Variants in OTC observed in about 807,000 individuals in gnomAD.
The protein encoded by OTC is ornithine transcarbamylase, mitochondrial.
A neutral mutation model predicts 30.3 loss-of-function variants in OTC; 3 were observed. The observed-to-expected ratio is 0.10, with a 90% CI of 0.05 to 0.26. OTC has a LOEUF of 0.26. Ranked by LOEUF, OTC falls within the 10% of genes least tolerant of loss-of-function variation. The probability of loss-of-function intolerance (pLI) is 1.00; values close to 1 mark genes in which losing one functional copy is unlikely to be tolerated. For synonymous variants in OTC, 111 were observed against 99.7 expected (o/e 1.11, Z -0.67); for missense variants, 194 against 260.3 (o/e 0.75, Z 1.75).
intron 6 of OTC, 119 bp downstream of exon 6, chrX:38,403,859 T>G: frequency 2.7e-6 from 2 of 744,847 alleles, no homozygotes; most frequent in East Asian, 3.2e-5. Flanking sequence ...GCCACAGAAT[T>G]TAGGTTACGT....
intron 4 of OTC, 25 bp from the exon 5 acceptor site, chrX:38,401,250 T>C (rs375307125): frequency 6.1e-6 from 7 of 1,148,221 alleles, no homozygotes; most frequent in Non-Finnish European, 7.1e-6. Context: ...TTATCTTAGA[T>C]TATCTTTTTC....
chrX:38,367,281 C>T lies in OTC; in HGVS notation c.78-10C>T, dbSNP rs2068300835. 1 of 1,197,847 alleles carries T rather than the reference C, an allele frequency of 8.3e-7. No homozygotes were observed. The highest frequency in any genetic ancestry group is 2.2e-5 in the Admixed American group (1 of 45,606). On this transcript the variant is annotated splice_polypyrimidine_tract_variant and intron_variant, in intron 1 of 9. Coordinates refer to ENST00000039007, the MANE Select transcript of OTC (RefSeq NM_000531.6). ...ATACATATTTCTCCCTTTTAAATCT[C>T]TTTTTACAGGTGTGGACAACCACTA... is the stretch of plus-strand genomic sequence containing the variant.
rs1013632561 is a variant in OTC at position 38,386,495 on chromosome X, A to G, written c.386+5066A>G. The stretch of plus-strand genomic sequence containing the variant: ...TCCAACCCCTGGCAACCACCATTCT[A>G]CTTTCTCCTTTTATGTATTTGACTA... On this transcript the variant is annotated intron_variant, in intron 4 of 9. Transcript: ENST00000039007. Among the ~76,000 whole-genome samples the G allele has an allele frequency of 2.7e-5, 3 of 110,204 alleles. 1 individual carries two copies.
intron 4 of OTC, among the ~76,000 whole-genome samples, chrX:38,389,195 G>T (rs983097329): frequency 9.0e-6 from 1 of 111,677 alleles, no homozygotes; most frequent in African/African-American, 3.3e-5. Flanking sequence ...TTCTGAAAAA[G>T]CTCACACTTT....
the OTC span, among the ~76,000 whole-genome samples, chrX:38,345,544 ATTT>A: frequency 1.1e-3 from 105 of 99,719 alleles, no homozygotes; most frequent in African/African-American, 3.7e-3. Context: ...CCTAAACCAT[ATTT>A]TTTTTTTTTT....
the OTC span, among the ~76,000 whole-genome samples, chrX:38,333,654 G>A: frequency 2.7e-5 from 3 of 111,952 alleles, no homozygotes; most frequent in African/African-American, 3.3e-5. Context: ...ACTAGAAATA[G>A]AGGCATGTAT....
chrX:38,394,898 G>T (rs866027984), intron 4 of OTC, among the ~76,000 whole-genome samples: 1 of 110,945 alleles, frequency 9.0e-6, no homozygotes, highest in Non-Finnish European at 1.9e-5. Flanking sequence ...GTTTCTGGGG[G>T]GGGGCAGGGC....
At chrX:38,371,450 C>T (rs1602016465) in intron 3 of OTC, among the ~76,000 whole-genome samples, 2 of 111,424 alleles carry the variant, frequency 1.8e-5, no homozygotes, top group Non-Finnish European at 3.8e-5. Context: ...GAGGAAGTAC[C>T]GCAAACAAAA....
chrX:38,381,319 T>G, intron 3 of OTC, 23 bp from the exon 4 acceptor site: 1 of 1,096,832 alleles, frequency 9.1e-7, no homozygotes, highest in Non-Finnish European at 1.2e-6. Context: ...CAAAATGATT[T>G]TTTTCTTTTT....
intron 3 of OTC, among the ~76,000 whole-genome samples, chrX:38,373,208 T>A (rs1350133227): frequency 8.9e-6 from 1 of 112,367 alleles, no homozygotes; most frequent in Non-Finnish European, 1.9e-5. Context: ...CAGTCACTAC[T>A]CCTCATTCAC....
intron 8 of OTC, among the ~76,000 whole-genome samples, chrX:38,409,980 T>C (rs1051065060): frequency 4.5e-5 from 5 of 111,423 alleles, no homozygotes; most frequent in African/African-American, 1.3e-4. Flanking sequence ...CATTTACATA[T>C]GTATGCCTCA....
At chrX:38,406,633 G>A (rs190452988) in intron 6 of OTC, among the ~76,000 whole-genome samples, 354 of 111,924 alleles carry the variant, frequency 3.2e-3, no homozygotes, top group African/African-American at 0.011. Context: ...ATTGTACTTA[G>A]GGAGTATAAA....
chrX:38,331,431 G>GTTTTTTTTTTTGTTTTTTTTTTTTTTTTT, the OTC span, among the ~76,000 whole-genome samples: 1 of 73,451 alleles, frequency 1.4e-5, no homozygotes, highest in East Asian at 4.2e-4. Context: ...TTTTTTTTTT[G>GTTTTTTTTTTTGTTTTTTTTTTTTTTTTT]TTTTTTTTTT....
chrX:38,401,544 G>C, intron 5 of OTC, 116 bp downstream of exon 5: 1 of 600,499 alleles, frequency 1.7e-6, no homozygotes, highest in Non-Finnish European at 2.8e-6. Context: ...ATACCAGCTT[G>C]ACAAAGAATT....
chrX:38,390,204 C>A (rs1457672242), intron 4 of OTC, among the ~76,000 whole-genome samples: 1 of 111,974 alleles, frequency 8.9e-6, no homozygotes, highest in African/African-American at 3.2e-5. Flanking sequence ...CTTCCAACAC[C>A]AGCCCATTTG....
intron 4 of OTC, among the ~76,000 whole-genome samples, chrX:38,394,350 A>G (rs2068443995): frequency 8.9e-6 from 1 of 112,185 alleles, no homozygotes; most frequent in African/African-American, 3.2e-5. Context: ...TTACTAAGCA[A>G]TCTTGTTGGG....
chrX:38,343,748 G>A, the OTC span, among the ~76,000 whole-genome samples: 2 of 112,339 alleles, frequency 1.8e-5, no homozygotes, highest in Non-Finnish European at 3.8e-5. Flanking sequence ...TGGAAATGTG[G>A]TCTATATGAC....
At chrX:38,353,902 T>C (rs2068229112) in intron 1 of OTC, among the ~76,000 whole-genome samples, 1 of 111,441 alleles carries the variant, frequency 9.0e-6, no homozygotes, top group Admixed American at 9.6e-5. Context: ...AAGTATAAGG[T>C]AAAAAAAGCC....
chrX:38,350,506 A>C (rs1318796791), upstream of OTC, among the ~76,000 whole-genome samples: 1 of 111,904 alleles, frequency 8.9e-6, no homozygotes, highest in Non-Finnish European at 1.9e-5. Context: ...AAAGCCTGTA[A>C]AGTAAAACAG....
Sources: allele counts gnomAD v4.1 joint callset (sites outside exome capture counted in the v4.1 genomes callset), GRCh38; gene constraint gnomAD v4.1.1; transcripts MANE v1.5; gene names NCBI Gene and HGNC (gene_info 2026-07-23, HGNC 2026-07-21).